MKLN1: variants seen among roughly 807,000 people sequenced by gnomAD.
The protein encoded by MKLN1 is muskelin 1.
Under a neutral mutation model 99.0 loss-of-function variants are expected in MKLN1, and 18 were observed. The ratio of observed to expected loss-of-function variants is 0.18; its 90% CI spans 0.13 to 0.27. MKLN1 has a LOEUF of 0.27. Among genes scored for constraint, MKLN1 ranks in the 10% least tolerant of loss-of-function variants. The pLI, the probability that MKLN1 is intolerant of heterozygous loss-of-function variation, is 1.00. For synonymous variants in MKLN1, 288 were observed against 293.2 expected (o/e 0.98, Z 0.18); for missense variants, 621 against 875.9 (o/e 0.71, Z 3.67).
At chr7:131,142,787 T>C in intron 1 of MKLN1, 1 of 552,340 alleles carries the variant, frequency 1.8e-6, no homozygotes, top group South Asian at 1.8e-5. Context: ...AGAGGTAGAC[T>C]TCACATCTGT....
intron 2 of MKLN1, among the ~76,000 whole-genome samples, chr7:131,166,676 T>A (rs1050760903): frequency 1.3e-5 from 2 of 152,194 alleles, no homozygotes; most frequent in Non-Finnish European, 1.5e-5. Context: ...TTTTGGCTCT[T>A]ATTCAAATAT....
intron 2 of MKLN1, among the ~76,000 whole-genome samples, chr7:131,171,355 G>A (rs186574049): frequency 6.6e-6 from 1 of 152,326 alleles, no homozygotes; most frequent in East Asian, 1.9e-4. Context: ...CAAATTGGAA[G>A]AAGGGCAATA....
chr7:131,173,294 C>A (rs979540213), intron 2 of MKLN1, among the ~76,000 whole-genome samples: 6 of 152,068 alleles, frequency 3.9e-5, no homozygotes, highest in Admixed American at 1.3e-4. Flanking sequence ...GATAGTTGAA[C>A]CTTGAGTCAG....
intron 1 of MKLN1, among the ~76,000 whole-genome samples, chr7:131,139,337 C>T (rs1795697380): frequency 6.6e-6 from 1 of 151,852 alleles, no homozygotes; most frequent in Non-Finnish European, 1.5e-5. Context: ...CTCTTGGACT[C>T]CCCCCGTCCC....
At chr7:131,209,930 G>A (rs34998354) in intron 3 of MKLN1, among the ~76,000 whole-genome samples, 27,803 of 151,864 alleles carry the variant, frequency 0.18, 2,990 homozygotes, top group Non-Finnish European at 0.25. Flanking sequence ...CAATACATGA[G>A]GTACGATAAA....
intron 1 of MKLN1, among the ~76,000 whole-genome samples, chr7:131,364,656 T>C (rs774024951): frequency 5.3e-5 from 8 of 152,036 alleles, no homozygotes; most frequent in Non-Finnish European, 1.2e-4. Context: ...TAGTCCCAAG[T>C]GTCTGTTGTT....
chr7:131,487,542 C>T lies in MKLN1; in HGVS notation c.2087-65C>T. 5 of 1,542,948 alleles carry T rather than the reference C, an allele frequency of 3.2e-6. No homozygotes were observed. The highest frequency in any genetic ancestry group is 3.5e-6 in the Non-Finnish European group (4 of 1,141,452). On this transcript the variant is annotated intron_variant, in intron 17 of 17. Transcript: ENST00000352689. The surrounding 1 kb of genome is among the most constrained non-coding windows in gnomAD (Gnocchi z 4.7). Reference sequence around the variant, plus strand: ...CATTATAAAATACATTGCTGCTGGTCTCAACTAGTTTTTCTGTTACATGTT... The same window carrying T: ...CATTATAAAATACATTGCTGCTGGTTTCAACTAGTTTTTCTGTTACATGTT...
chr7:131,321,098 T>C (rs1305112628), intron 3 of MKLN1, among the ~76,000 whole-genome samples: 1 of 152,182 alleles, frequency 6.6e-6, no homozygotes, highest in Admixed American at 6.5e-5. Flanking sequence ...CCAAAAGGGT[T>C]ATAAATCATT....
intron 3 of MKLN1, among the ~76,000 whole-genome samples, chr7:131,235,208 ATCTC>A (rs1011339426): frequency 6.6e-6 from 1 of 151,202 alleles, no homozygotes; most frequent in African/African-American, 2.4e-5. Flanking sequence ...CTCTCCCTCT[ATCTC>A]TCTATCTCTT....
At chr7:131,257,659 C>T (rs1305914195) in intron 3 of MKLN1, among the ~76,000 whole-genome samples, 1 of 152,008 alleles carries the variant, frequency 6.6e-6, no homozygotes, top group Non-Finnish European at 1.5e-5. Flanking sequence ...TAAACTTTAT[C>T]CCATCTCAGA....
chr7:131,232,416 AT>A (rs1284345748), intron 3 of MKLN1, among the ~76,000 whole-genome samples: 1 of 152,100 alleles, frequency 6.6e-6, no homozygotes, highest in Non-Finnish European at 1.5e-5. Context: ...AATTTATAGG[AT>A]TGGTTTAGGT....
rs768454438 is a variant in MKLN1 at position 131,472,313 on chromosome 7, TA to T, written c.2031+1372del. ...GAAGCCAAAACAAAATATTTCAAAG[TA>T]AATAATTTCAGCTGTGTGAGCTGCA... On this transcript the variant is annotated intron_variant, in intron 16 of 17. Coordinates refer to ENST00000352689, the MANE Select transcript of MKLN1 (RefSeq NM_013255.5). 11 of 152,302 alleles carry T rather than the reference TA, an allele frequency of 7.2e-5. No individual in the cohort carries two copies. In the South Asian group the frequency reaches 2.3e-3, roughly 32 times the overall value. 9.4% of individuals were successfully genotyped at this position (152,302 alleles called of 1,614,324 possible).
chr7:131,287,833 G>A (rs972856974), intron 3 of MKLN1, among the ~76,000 whole-genome samples: 1 of 152,108 alleles, frequency 6.6e-6, no homozygotes, highest in South Asian at 2.1e-4. Flanking sequence ...CTGTTCTCGT[G>A]ATAGTGAGTG....
chr7:131,356,062 ATTTT>A (rs375785189), intron 1 of MKLN1, among the ~76,000 whole-genome samples: 1 of 116,172 alleles, frequency 8.6e-6, no homozygotes. Flanking sequence ...TAGTTCCCCT[ATTTT>A]TTTTTTTTTT....
At chr7:131,240,928 G>T (rs566276569) in intron 3 of MKLN1, among the ~76,000 whole-genome samples, 128 of 152,316 alleles carry the variant, frequency 8.4e-4, no homozygotes, top group Non-Finnish European at 1.6e-3. Context: ...AGACAAACTG[G>T]CTAAGAGTGA....
At chr7:131,136,116 A>AG (rs1172756076) in intron 1 of MKLN1, among the ~76,000 whole-genome samples, 1 of 152,064 alleles carries the variant, frequency 6.6e-6, no homozygotes, top group Non-Finnish European at 1.5e-5. Context: ...GACTTCTCAG[A>AG]GGGGGGCCTC....
chr7:131,178,193 T>C (rs1796327255), intron 2 of MKLN1, among the ~76,000 whole-genome samples: 1 of 151,884 alleles, frequency 6.6e-6, no homozygotes, highest in Non-Finnish European at 1.5e-5. Flanking sequence ...CTCGGCTCAT[T>C]GCAGCCTCTG....
At chr7:131,254,420 C>A (rs904018949) in intron 3 of MKLN1, among the ~76,000 whole-genome samples, 3 of 152,014 alleles carry the variant, frequency 2.0e-5, no homozygotes, top group African/African-American at 4.8e-5. Flanking sequence ...CATAACATAA[C>A]ATAAGGAGAG....
At chr7:131,111,408 C>T (rs1011615288) in intron 1 of MKLN1, among the ~76,000 whole-genome samples, 19 of 152,182 alleles carry the variant, frequency 1.2e-4, no homozygotes, top group African/African-American at 3.9e-4. Flanking sequence ...TCTGTATTTG[C>T]GTCACTGCCA....
Sources: gnomAD v4.1 joint callset for allele counts (sites outside exome capture counted in the v4.1 genomes callset) on GRCh38, gnomAD v4.1.1 for gene constraint, Gnocchi (gnomAD v3.1) non-coding constraint, MANE v1.5 for transcripts, NCBI Gene and HGNC (gene_info 2026-07-23, HGNC 2026-07-21) for gene names.